Variants in GPM6A observed in about 807,000 individuals in gnomAD.
GPM6A encodes glycoprotein M6A.
In GPM6A, 7 loss-of-function variants were observed where a neutral mutation model predicts 32.1. The observed-to-expected ratio is 0.22, with a 90% CI of 0.12 to 0.41. GPM6A has a LOEUF of 0.41. Among genes scored for constraint, GPM6A ranks in the 10% least tolerant of loss-of-function variants. GPM6A has a pLI of 1.00. For missense variants in GPM6A, 235 were observed against 347.2 expected (o/e 0.68, Z 2.57); for synonymous variants, 130 against 123.4 (o/e 1.05, Z -0.35).
chr4:175,658,752 C>T (rs978844846), intron 3 of GPM6A, among the ~76,000 whole-genome samples: 6 of 152,070 alleles, frequency 3.9e-5, no homozygotes, highest in African/African-American at 9.7e-5. Context: ...AATATAAAAT[C>T]TATTTATATA....
At chr4:175,650,945 C>T (rs557451251) in intron 4 of GPM6A, among the ~76,000 whole-genome samples, 1 of 152,260 alleles carries the variant, frequency 6.6e-6, no homozygotes, top group African/African-American at 2.4e-5. Context: ...TTCTGTAGCT[C>T]CCATAATGTT....
At position 175,962,360 on chromosome 4, in the gene GPM6A, T is replaced by A. The variant is rs555995453; in HGVS notation, c.-23+39949A>T. ...ATCAGCTTCTTAAGACTCCTTCATC[T>A]AGCTCCCTGTTGCTGAGAGACCACT... On this transcript the variant is annotated intron_variant, in intron 1 of 7. Coordinates refer to the GPM6A transcript ENST00000280187. The A allele has an allele frequency of 6.4e-6, 5 of 777,690 alleles. No individual in the cohort carries two copies. The African/African-American group carries it at 6.8e-5, about 11-fold the overall frequency. The allele number at this position is 777,690 out of a possible 1,614,324, so 48.2% of individuals were successfully genotyped here. A position where few individuals can be genotyped will look rare whatever the true frequency, so the allele number is the denominator to read the frequency against.
chr4:175,786,746 C>A (rs1334298787), intron 1 of GPM6A: 1 of 152,468 alleles, frequency 6.6e-6, no homozygotes, highest in Non-Finnish European at 1.5e-5. Context: ...CTTGGTCTGG[C>A]CTCTATCATC....
At chr4:175,635,754 CTTAT>C (rs746760552) in intron 6 of GPM6A, among the ~76,000 whole-genome samples, 2 of 152,024 alleles carry the variant, frequency 1.3e-5, no homozygotes, top group East Asian at 3.9e-4. Context: ...AATGAGACCG[CTTAT>C]TTGTTTTTCT....
chr4:175,791,591 C>T lies in GPM6A; in HGVS notation c.37+20600G>A, dbSNP rs114551655. On this transcript the variant is annotated intron_variant, in intron 1 of 6. Coordinates refer to ENST00000393658, the MANE Select transcript of GPM6A (RefSeq NM_201591.3). ...ATTTAAAATTGAACTCAGAAATTGA[C>T]TGCAGTCATCATCTTCATCCACATA... Among the ~76,000 whole-genome samples the T allele has an allele frequency of 6.5e-3, 988 of 152,232 alleles. 7 individuals are homozygous for T. Among genetic ancestry groups the T allele is most frequent in the African/African-American group, 0.022 (908 of 41,546 alleles).
At chr4:175,740,615 G>T (rs1731851070) in intron 1 of GPM6A, among the ~76,000 whole-genome samples, 1 of 151,988 alleles carries the variant, frequency 6.6e-6, no homozygotes, top group African/African-American at 2.4e-5. Flanking sequence ...TAGATTGGAG[G>T]TAGGTAAAAT....
At chr4:175,638,600 A>G (rs983434269) in intron 6 of GPM6A, among the ~76,000 whole-genome samples, 2 of 152,140 alleles carry the variant, frequency 1.3e-5, no homozygotes, top group African/African-American at 4.8e-5. Flanking sequence ...TTTAAATAAC[A>G]TTTGTCTAAA....
intron 1 of GPM6A, among the ~76,000 whole-genome samples, chr4:175,727,415 C>T (rs1316854457): frequency 1.4e-4 from 22 of 152,122 alleles, no homozygotes. Context: ...GAGAATGCAA[C>T]ATAGGGAAAA....
chr4:175,922,903 A>G lies in GPM6A; in HGVS notation c.-23+79406T>C, dbSNP rs565619313. Among the ~76,000 whole-genome samples the G allele has an allele frequency of 4.6e-5, 7 of 152,286 alleles. No homozygotes were observed. The South Asian group carries it at 1.5e-3, about 32-fold the overall frequency. The stretch of plus-strand genomic sequence containing the variant: ...TCATTTCATTAACTGATGAAAAGAG[A>G]TACTGTATTAGCAGTTATAAACAGA... On this transcript the variant is annotated intron_variant, in intron 1 of 7. Coordinates refer to the GPM6A transcript ENST00000280187.
chr4:175,635,194 G>C, intron 6 of GPM6A, 137 bp from the exon 7 acceptor site: 1 of 658,210 alleles, frequency 1.5e-6, no homozygotes, highest in Admixed American at 2.9e-5. Flanking sequence ...AAATTTCTTT[G>C]GTAACAGAAA....
At chr4:175,999,866 C>T (rs932789080) in intron 1 of GPM6A, among the ~76,000 whole-genome samples, 8 of 152,178 alleles carry the variant, frequency 5.3e-5, no homozygotes, top group Admixed American at 2.6e-4. Context: ...CCCTACCATC[C>T]CTACTACCAC....
rs142410796 is a variant in GPM6A at position 175,959,052 on chromosome 4, A to G, written c.-23+43257T>C. On this transcript the variant is annotated intron_variant, in intron 1 of 7. Transcript: ENST00000280187. ...TCTGTCAAAAACACTTAAAAACCCT[A>G]TAGTTACAATATAGGTAGGAATAGT... 4.7e-3 allele frequency among the ~76,000 whole-genome samples: 721 copies of G among 152,318 alleles called. 4 individuals carry two copies. The highest frequency in any genetic ancestry group is 0.016 in the African/African-American group (681 of 41,572).
chr4:175,733,174 C>T (rs975395918), intron 1 of GPM6A, among the ~76,000 whole-genome samples: 19 of 152,010 alleles, frequency 1.2e-4, no homozygotes, highest in African/African-American at 4.6e-4. Context: ...TAAATAAACT[C>T]TGAGAAATAA....
chr4:175,740,211 G>C (rs921398688), intron 1 of GPM6A, among the ~76,000 whole-genome samples: 2 of 151,886 alleles, frequency 1.3e-5, no homozygotes, highest in African/African-American at 2.4e-5. Flanking sequence ...AATATATGTA[G>C]TCCAATATAG....
intron 1 of GPM6A, among the ~76,000 whole-genome samples, chr4:175,873,510 T>A (rs1736980662): frequency 6.6e-6 from 1 of 152,146 alleles, no homozygotes; most frequent in South Asian, 2.1e-4. Flanking sequence ...TATATTTTGA[T>A]AAAAAACATA....
At chr4:175,718,197 G>A (rs1308514374) in intron 1 of GPM6A, among the ~76,000 whole-genome samples, 1 of 152,092 alleles carries the variant, frequency 6.6e-6, no homozygotes, top group Admixed American at 6.5e-5. Context: ...GGCTTTTAAT[G>A]AGAACAGAAT....
chr4:175,772,935 C>T (rs902866290), intron 1 of GPM6A, among the ~76,000 whole-genome samples: 1 of 152,142 alleles, frequency 6.6e-6, no homozygotes, highest in African/African-American at 2.4e-5. Flanking sequence ...CCTCTGGACC[C>T]CCTTGGTCAA....
At chr4:175,701,136 C>A (rs1744853336) in intron 2 of GPM6A, among the ~76,000 whole-genome samples, 1 of 152,270 alleles carries the variant, frequency 6.6e-6, no homozygotes, top group South Asian at 2.1e-4. Flanking sequence ...GTAACAGCAA[C>A]AGTAAGATAC....
rs1560842008 is a variant in GPM6A at position 175,637,305 on chromosome 4, T to TATATATTATATAAAATATATATTATATA, written c.685-2249_685-2248insTATATAATATATATTTTATATAATATAT. On this transcript the variant is annotated intron_variant, in intron 6 of 6. Transcript: ENST00000393658. ...ATTATATAAAATATATATTATATAT[T>TATATATTATATAAAATATATATTATATA]ATATATAATATAAAATATATATTAT... Among the ~76,000 whole-genome samples the TATATATTATATAAAATATATATTATATA allele has an allele frequency of 2.2e-3, 173 of 78,742 alleles. 8 individuals are homozygous for TATATATTATATAAAATATATATTATATA. The highest frequency in any genetic ancestry group is 8.5e-3 in the African/African-American group (168 of 19,736). 51.7% of individuals were successfully genotyped at this position (78,742 alleles called of 152,430 possible). A position where few individuals can be genotyped will look rare whatever the true frequency, so the allele number is the denominator to read the frequency against.
Sources: gnomAD v4.1 joint callset for allele counts (sites outside exome capture counted in the v4.1 genomes callset) on GRCh38, gnomAD v4.1.1 for gene constraint, MANE v1.5 for transcripts, NCBI Gene and HGNC (gene_info 2026-07-23, HGNC 2026-07-21) for gene names.